ALPK3: variants seen among roughly 807,000 people sequenced by gnomAD.
ALPK3 encodes alpha kinase 3.
ALPK3 carries 102 observed loss-of-function variants against 140.0 expected under a neutral mutation model. The observed-to-expected ratio is 0.73, with a 90% CI of 0.62 to 0.86. The LOEUF (loss-of-function observed/expected upper bound fraction) is 0.86. ALPK3 is among the 40% of genes least tolerant of loss of function. The probability of loss-of-function intolerance (pLI) is 0.00; values close to 1 mark genes in which losing one functional copy is unlikely to be tolerated. For missense variants in ALPK3, 2,254 were observed against 2,208.2 expected, an observed-to-expected ratio of 1.02 and a Z score of -0.42; for synonymous variants, 938 against 898.5, an observed-to-expected ratio of 1.04 and a Z score of -0.79.
intron 11 of ALPK3, 95 bp from the exon 12 acceptor site, chr15:84,864,347 G>A (rs1963980716): frequency 7.9e-7 from 1 of 1,268,594 alleles, no homozygotes; most frequent in East Asian, 2.4e-5. Context: ...TCTTGGAAGG[G>A]CCCTTCTTTT....
chr15:84,867,973 G>A lies in ALPK3; in HGVS notation c.4773-138G>A, dbSNP rs745973368. 4.0e-4 allele frequency: 343 copies of A among 867,136 alleles called. No homozygotes were observed. The Middle Eastern group carries it at 4.5e-3, about 11-fold the overall frequency. 53.7% of individuals were successfully genotyped at this position (867,136 alleles called of 1,614,324 possible). On this transcript the variant is annotated intron_variant, in intron 13 of 13. Transcript: ENST00000258888. ...GCTGCCACCTGAGGTAGCACCAAGG[G>A]AGAGTCCCCATCACCCTCAGATAAG...
intron 5 of ALPK3, among the ~76,000 whole-genome samples, chr15:84,854,998 T>A (rs1963844452): frequency 6.6e-6 from 1 of 152,246 alleles, no homozygotes; most frequent in South Asian, 2.1e-4. Flanking sequence ...AAGCAGGGCT[T>A]GTGGGAACAA....
intron 5 of ALPK3, among the ~76,000 whole-genome samples, chr15:84,847,626 T>C (rs1963747477): frequency 6.6e-6 from 1 of 152,200 alleles, no homozygotes; most frequent in African/African-American, 2.4e-5. Flanking sequence ...AACAACATTT[T>C]TTTTTAATGC....
intron 5 of ALPK3, among the ~76,000 whole-genome samples, chr15:84,844,856 C>G (rs1410937441): frequency 7.2e-6 from 1 of 139,714 alleles, no homozygotes; most frequent in Non-Finnish European, 1.6e-5. Context: ...GACTCCGTCT[C>G]AAAAAAAAAA....
intron 9 of ALPK3, among the ~76,000 whole-genome samples, chr15:84,862,218 CG>C (rs1427379997): frequency 1.3e-5 from 2 of 152,108 alleles, no homozygotes; most frequent in Non-Finnish European, 2.9e-5. Context: ...TTCAGTCAAA[CG>C]TGTTGGTTGA....
chr15:84,848,820 A>C (rs901722248), intron 5 of ALPK3, among the ~76,000 whole-genome samples: 1 of 152,208 alleles, frequency 6.6e-6, no homozygotes, highest in African/African-American at 2.4e-5. Flanking sequence ...TGGCAATATT[A>C]ATATCAGACA....
In ALPK3 at chr15:84,872,911, C is replaced by G. The variant is rs548560926; in HGVS notation, c.*4455C>G. ...AATCAAGTGGGAGATCTTGACTTTA[C>G]CTTGGCACTTGAGACAGAACTGTTG... is the stretch of plus-strand genomic sequence containing the variant. On this transcript the variant is annotated 3_prime_UTR_variant, in exon 14 of 14. Transcript: ENST00000258888. 19 of 152,320 alleles carry G rather than the reference C, an allele frequency of 1.2e-4. No individual in the cohort carries two copies. Among genetic ancestry groups the G allele is most frequent in the African/African-American group, 2.6e-4 (11 of 41,576 alleles). 9.4% of individuals were successfully genotyped at this position (152,320 alleles called of 1,614,324 possible). A position where few individuals can be genotyped will look rare whatever the true frequency, so the allele number is the denominator to read the frequency against.
At position 84,840,324 on chromosome 15, in the gene ALPK3, T is replaced by G; in HGVS notation, c.1045T>G (p.Ser349Ala). 6.2e-7 allele frequency: 1 copy of G among 1,613,968 alleles called. No individual in the cohort carries two copies. Among genetic ancestry groups the G allele is most frequent in the Non-Finnish European group, 8.5e-7 (1 of 1,179,988 alleles). The change falls in exon 5 of 14, where the codon TCA becomes GCA. Residue 349 changes from serine (S) to alanine (A), a missense_variant. By Grantham distance (99) the Ser-to-Ala change is moderately conservative (BLOSUM62 1). Around this residue, in one of 3 missense-constraint regions of ALPK3, gnomAD observed 2,088 missense variants for 2,022.9 expected, o/e 1.03. Transcript: ENST00000258888. ...RRSSENCIPS[S>A]DEPDSCGTQG... ...TTCTTCAGAAAACTGCATCCCCAGC[T>G]CAGACGAGCCTGACTCCTGTGGGAC... is the stretch of plus-strand genomic sequence containing the variant.
At chr15:84,842,188 C>G (rs760675491) in intron 5 of ALPK3, among the ~76,000 whole-genome samples, 8 of 152,194 alleles carry the variant, frequency 5.3e-5, no homozygotes, top group Non-Finnish European at 7.3e-5. Context: ...TGTGAGGCAC[C>G]ATGCTCAGCT....
intron 5 of ALPK3, among the ~76,000 whole-genome samples, chr15:84,848,845 G>A (rs1212861830): frequency 6.6e-6 from 1 of 152,128 alleles, no homozygotes; most frequent in Non-Finnish European, 1.5e-5. Flanking sequence ...AGATTTCTGA[G>A]GAAAGAAAAT....
rs1254619910 is a variant in ALPK3, at chr15:84,817,359, AGCG to A, written c.-83_-81del. On this transcript the variant is annotated 5_prime_UTR_variant, in exon 1 of 14. Coordinates refer to ENST00000258888, the MANE Select transcript of ALPK3 (RefSeq NM_020778.5). The stretch of plus-strand genomic sequence containing the variant: ...GGGGCGCGCGTCAGCCGCGGGCGGG[AGCG>A]GCGGCGGCGGGCAGGGGCCCGGGGG... The A allele has an allele frequency of 1.6e-6, 2 of 1,231,218 alleles. No individual in the cohort carries two copies. The highest frequency in any genetic ancestry group is 2.0e-6 in the Non-Finnish European group (2 of 988,986). The allele number at this position is 1,231,218 out of a possible 1,614,324, so 76.3% of individuals were successfully genotyped here. A position where few individuals can be genotyped will look rare whatever the true frequency, so the allele number is the denominator to read the frequency against.
chr15:84,859,802 T>G lies in ALPK3; in HGVS notation c.3992T>G (p.Leu1331Trp), dbSNP rs538395651. 3 of 1,613,488 alleles carry G rather than the reference T, an allele frequency of 1.9e-6. No homozygotes were observed. Among genetic ancestry groups the G allele is most frequent in the Non-Finnish European group, 2.5e-6 (3 of 1,179,968 alleles). Reference protein sequence around the residue: ...RSAGDEGPAALAIVQASPVDC... With the variant: ...RSAGDEGPAAWAIVQASPVDC... ...GCAGGGGATGAGGGGCCGGCGGCCT[T>G]GGCCATCGTGCAGGCCTCCCCCGTA... Residue 1331 changes from leucine to tryptophan, a missense_variant, in exon 8 of 14, where the codon TTG (leucine) becomes TGG (tryptophan). Around this residue, in one of 3 missense-constraint regions of ALPK3, gnomAD observed 2,088 missense variants for 2,022.9 expected, o/e 1.03. Coordinates refer to ENST00000258888, the MANE Select transcript of ALPK3 (RefSeq NM_020778.5).
intron 3 of ALPK3, 25 bp downstream of exon 3, chr15:84,827,630 A>G (rs768383293): frequency 3.7e-6 from 6 of 1,613,348 alleles, no homozygotes; most frequent in Non-Finnish European, 5.1e-6. Flanking sequence ...TGTATGCTCC[A>G]TGCCAGGGCC....
rs776453848 is a variant in ALPK3, at chr15:84,858,367, G to A, written c.3629G>A (p.Arg1210Gln). 55 of 1,554,290 alleles carry A rather than the reference G, an allele frequency of 3.5e-5. 1 individual carries two copies. Among genetic ancestry groups the A allele is most frequent in the South Asian group, 1.2e-4 (10 of 84,644 alleles). ...CCTGGGTCCCCAGGGACTCCAGGGC[G>A]GGAGAGACGCTCCCCTACGCAGGGC... Reference protein sequence around the residue: ...LVPGSPGTPGRERRSPTQGRK... With the variant: ...LVPGSPGTPGQERRSPTQGRK... The change falls in exon 6 of 14, where the codon CGG becomes CAG. Residue 1210 changes from arginine to glutamine, a missense_variant. Physicochemically the swap from Arg to Gln is conservative, Grantham distance 43. This residue lies in a region of ALPK3 where 2,088 missense variants were observed against 2,022.9 expected (regional missense o/e 1.03). Transcript: ENST00000258888.
chr15:84,862,960 C>T (rs762012315), intron 10 of ALPK3, 45 bp downstream of exon 10: 1 of 1,583,820 alleles, frequency 6.3e-7, no homozygotes, highest in Non-Finnish European at 8.6e-7. Context: ...TTCTCTCACC[C>T]CCTCCCCTTT....
At chr15:84,859,170 A>C in intron 6 of ALPK3, 73 bp from the exon 7 acceptor site, 2 of 1,586,454 alleles carry the variant, frequency 1.3e-6, no homozygotes, top group Non-Finnish European at 1.7e-6. Context: ...TTTTCCACCA[A>C]GGACACCCAG....
rs1209851272 is a variant in ALPK3 at position 84,817,507 on chromosome 15, G to T, written c.55G>T (p.Ala19Ser). Residue 19 changes from alanine (A) to serine (S), a missense_variant, in exon 1 of 14, where the codon GCG becomes TCG. Physicochemically the swap from Ala to Ser is moderately conservative, Grantham distance 99. Coordinates refer to ENST00000258888, the MANE Select transcript of ALPK3 (RefSeq NM_020778.5). Reference protein sequence around the residue: ...RGWGAGGRSGAGGDGEDDGPV... With the variant: ...RGWGAGGRSGSGGDGEDDGPV... Reference sequence around the variant, plus strand: ...CTGGGGCGCGGGTGGGCGGTCGGGGGCGGGGGGCGACGGTGAGGACGACGG... The same window carrying T: ...CTGGGGCGCGGGTGGGCGGTCGGGGTCGGGGGGCGACGGTGAGGACGACGG... 6.8e-7 allele frequency: 1 copy of T among 1,469,414 alleles called. No homozygotes were observed. Among genetic ancestry groups the T allele is most frequent in the South Asian group, 1.3e-5 (1 of 77,320 alleles). The allele number at this position is 1,469,414 out of a possible 1,614,324, so 91.0% of individuals were successfully genotyped here.
intron 3 of ALPK3, among the ~76,000 whole-genome samples, chr15:84,837,271 G>A (rs1963605893): frequency 6.6e-6 from 1 of 152,222 alleles, no homozygotes; most frequent in Admixed American, 6.5e-5. Context: ...ACGCTGATGA[G>A]AAAGATGTAA....
Position 84,839,831 on chromosome 15 carries a change from G to A in ALPK3, c.552G>A (p.Lys184=), listed in dbSNP as rs1022647921. The A allele has an allele frequency of 3.1e-6, 5 of 1,614,030 alleles. No homozygotes were observed. Among genetic ancestry groups the A allele is most frequent in the Non-Finnish European group, 4.2e-6 (5 of 1,180,054 alleles). ...EYKIHQRWFA[K]LKRKAAAKLR... ...AGATCCACCAGCGCTGGTTCGCCAA[G>A]TTGAAGCGCAAGGCTGCGGCAAAGC... Residue 184 remains lysine, a synonymous_variant, in exon 5 of 14, where the codon AAG becomes AAA. Coordinates refer to ENST00000258888, the MANE Select transcript of ALPK3 (RefSeq NM_020778.5).
Sources: allele counts gnomAD v4.1 joint callset (sites outside exome capture counted in the v4.1 genomes callset), GRCh38; gene constraint gnomAD v4.1.1; regional missense constraint gnomAD v4.1.1; transcripts MANE v1.5; gene names NCBI Gene and HGNC (gene_info 2026-07-23, HGNC 2026-07-21).